Variants in HSD17B1 observed in about 807,000 individuals in gnomAD.
The protein encoded by HSD17B1 is hydroxysteroid 17-beta dehydrogenase 1.
HSD17B1 carries 16 observed loss-of-function variants against 22.7 expected under a neutral mutation model. The ratio of observed to expected loss-of-function variants is 0.71; its 90% CI spans 0.48 to 1.07. The LOEUF (loss-of-function observed/expected upper bound fraction) is 1.07, where lower values mean the gene tolerates loss of function less well. Among genes scored for constraint, HSD17B1 ranks in the 50% least tolerant of loss-of-function variants. HSD17B1 has a pLI of 0.00. For missense variants in HSD17B1, 533 were observed against 459.9 expected, an observed-to-expected ratio of 1.16 and a Z score of -1.45; for synonymous variants, 243 against 211.0, an observed-to-expected ratio of 1.15 and a Z score of -1.31.
rs1380944904 is a variant in HSD17B1 at position 42,554,558 on chromosome 17, G to A, written c.693G>A (p.Ala231=). ...AHSKQVFREA[A]QNPEEVAEVF... ...GCAAGCAAGTCTTTCGCGAGGCGGC[G>A]CAGAACCCTGAGGAGGTGGCGGAGG... Residue 231 remains alanine, a synonymous_variant, in exon 5 of 6, where the codon GCG becomes GCA. Coordinates refer to ENST00000585807, the MANE Select transcript of HSD17B1 (RefSeq NM_000413.4). 1 of 1,613,760 alleles carries A rather than the reference G, an allele frequency of 6.2e-7. No homozygotes were observed. Among genetic ancestry groups the A allele is most frequent in the Non-Finnish European group, 8.5e-7 (1 of 1,179,904 alleles).
Position 42,554,577 on chromosome 17 carries a change from G to A in HSD17B1, c.712G>A (p.Ala238Thr). The A allele has an allele frequency of 6.2e-7, 1 of 1,613,228 alleles. No homozygotes were observed. The highest frequency in any genetic ancestry group is 1.3e-5 in the African/African-American group (1 of 75,042). ...GGCGGCGCAGAACCCTGAGGAGGTGGCGGAGGTGAGCGCCGGGCTGGACTC... is the reference window on the plus strand; with the variant it reads ...GGCGGCGCAGAACCCTGAGGAGGTGACGGAGGTGAGCGCCGGGCTGGACTC... Reference protein sequence around the residue: ...REAAQNPEEVAEVFLTALRAP... With the variant: ...REAAQNPEEVTEVFLTALRAP... The change falls in exon 5 of 6, where the codon GCG (alanine) becomes ACG (threonine). Residue 238 changes from alanine (A) to threonine (T), a missense_variant. Coordinates refer to ENST00000585807, the MANE Select transcript of HSD17B1 (RefSeq NM_000413.4).
Position 42,553,827 on chromosome 17 carries a change from A to G in HSD17B1, c.479A>G (p.Lys160Arg), listed in dbSNP as rs545312595. 6.2e-7 allele frequency: 1 copy of G among 1,613,532 alleles called. No homozygotes were observed. Among genetic ancestry groups the G allele is most frequent in the Admixed American group, 1.7e-5 (1 of 59,938 alleles). ...LPFNDVYCAS[K>R]FALEGLCESL... ...TTCAATGACGTTTATTGCGCCAGCA[A>G]GTTCGCGCTCGAAGGCTTATGCGAG... is the stretch of plus-strand genomic sequence containing the variant. Residue 160 changes from lysine to arginine, a missense_variant, in exon 4 of 6, where the codon AAG (lysine) becomes AGG (arginine). Lys to Arg is a conservative substitution (Grantham distance 26). Coordinates refer to ENST00000585807, the MANE Select transcript of HSD17B1 (RefSeq NM_000413.4).
At chr17:42,554,254 C>T in intron 4 of HSD17B1, 151 bp from the exon 5 acceptor site, 1 of 1,107,636 alleles carries the variant, frequency 9.0e-7, no homozygotes, top group Non-Finnish European at 1.3e-6. Flanking sequence ...TTCTGGTTAT[C>T]CCCAGCGCCC....
In HSD17B1 at chr17:42,554,817, C is replaced by A; in HGVS notation, c.866C>A (p.Pro289Gln). The A allele has an allele frequency of 6.2e-7, 1 of 1,600,124 alleles. No individual in the cohort carries two copies. Among genetic ancestry groups the A allele is most frequent in the Non-Finnish European group, 8.5e-7 (1 of 1,179,396 alleles). Residue 289 changes from proline (P) to glutamine (Q), a missense_variant, in exon 6 of 6, where the codon CCG becomes CAG. Coordinates refer to ENST00000585807, the MANE Select transcript of HSD17B1 (RefSeq NM_000413.4). ...AMHREVFGDV[P>Q]AKAEAGAEAG... ...CACCGGGAAGTGTTCGGCGACGTTC[C>A]GGCAAAGGCCGAGGCTGGGGCCGAG...
In HSD17B1 at chr17:42,554,394, C is replaced by T. The variant is rs1341335172; in HGVS notation, c.540-11C>T. On this transcript the variant is annotated splice_polypyrimidine_tract_variant and intron_variant, in intron 4 of 5. Coordinates refer to ENST00000585807, the MANE Select transcript of HSD17B1 (RefSeq NM_000413.4). ...TCCGCCCCCTCCCACTCGTTGCTCT[C>T]CGGCCAGCAGCTTGAGCCTGATCGA... The T allele has an allele frequency of 6.3e-7, 1 of 1,591,224 alleles. No individual in the cohort carries two copies. The highest frequency in any genetic ancestry group is 8.6e-7 in the Non-Finnish European group (1 of 1,165,224).
At chr17:42,554,189 G>A (rs543947419) in intron 4 of HSD17B1, 7 of 721,818 alleles carry the variant, frequency 9.7e-6, no homozygotes. Flanking sequence ...GGGCTCCCTT[G>A]TAGCCTCAGA....
Position 42,554,754 on chromosome 17 carries a change from T to C in HSD17B1, c.803T>C (p.Leu268Pro). ...ERFLPLLRMR[L>P]DDPSGSNYVT... ...TTCCTGCCCCTGCTGCGGATGCGCC[T>C]GGACGACCCCAGCGGCTCCAACTAC... Residue 268 changes from leucine (L) to proline (P), a missense_variant, in exon 6 of 6, where the codon CTG (leucine) becomes CCG (proline). Transcript: ENST00000585807. 6.2e-7 allele frequency: 1 copy of C among 1,603,814 alleles called. No homozygotes were observed. Among genetic ancestry groups the C allele is most frequent in the Non-Finnish European group, 8.5e-7 (1 of 1,179,692 alleles).
chr17:42,553,674 C>A (rs1214994260), intron 3 of HSD17B1, 56 bp downstream of exon 3: 66 of 1,600,350 alleles, frequency 4.1e-5, no homozygotes, highest in Non-Finnish European at 5.4e-5. Context: ...CGGAGCTGAG[C>A]CTTGAAGGCA....
intron 4 of HSD17B1, chr17:42,554,202 G>C (rs939092880): frequency 1.3e-6 from 1 of 759,834 alleles, no homozygotes; most frequent in African/African-American, 1.8e-5. Flanking sequence ...GCCTCAGATG[G>C]ATTTGGGAGG....
At chr17:42,553,717 C>A in intron 3 of HSD17B1, 77 bp from the exon 4 acceptor site, 1 of 1,594,434 alleles carries the variant, frequency 6.3e-7, no homozygotes, top group Non-Finnish European at 8.6e-7. Flanking sequence ...GGGGTGCCGT[C>A]AGCTTGGAGG....
At chr17:42,554,064 C>G in intron 4 of HSD17B1, 177 bp downstream of exon 4, 1 of 674,054 alleles carries the variant, frequency 1.5e-6, no homozygotes, top group Non-Finnish European at 2.6e-6. Flanking sequence ...ACCTGCTGAC[C>G]TAGCTGCTGA....
At chr17:42,553,668 G>A (rs1414406513) in intron 3 of HSD17B1, 50 bp downstream of exon 3, 3 of 1,600,806 alleles carry the variant, frequency 1.9e-6, no homozygotes, top group Non-Finnish European at 8.5e-7. Context: ...TGTGTGCGGA[G>A]CTGAGCCTTG....
At position 42,554,953 on chromosome 17, in the gene HSD17B1, G is replaced by C. The variant is rs1387917794; in HGVS notation, c.*15G>C. The C allele has an allele frequency of 1.4e-6, 2 of 1,448,696 alleles. No homozygotes were observed. The highest frequency in any genetic ancestry group is 2.6e-5 in the East Asian group (1 of 39,154). 89.7% of individuals were successfully genotyped at this position (1,448,696 alleles called of 1,614,324 possible). ...CCCCGCAGTAAAGGCTTCCTCAGCC[G>C]CTGTCTCCCGCGCCCTTCTTTGTCC... is the stretch of plus-strand genomic sequence containing the variant. On this transcript the variant is annotated 3_prime_UTR_variant, in exon 6 of 6. Coordinates refer to ENST00000585807, the MANE Select transcript of HSD17B1 (RefSeq NM_000413.4).
chr17:42,554,272 C>T (rs1384586193), intron 4 of HSD17B1, 133 bp from the exon 5 acceptor site: 15 of 1,292,822 alleles, frequency 1.2e-5, no homozygotes, highest in African/African-American at 4.5e-5. Flanking sequence ...CCCTTTCCGC[C>T]TCACTTCCCA....
intron 3 of HSD17B1, 21 bp from the exon 4 acceptor site, chr17:42,553,773 A>G (rs764552186): frequency 6.2e-7 from 1 of 1,611,252 alleles, no homozygotes; most frequent in Non-Finnish European, 8.5e-7. Context: ...GCGCCTCAGG[A>G]ACCTCGTCTC....
chr17:42,554,660 C>T lies in HSD17B1; in HGVS notation c.718-9C>T. 3.1e-6 allele frequency: 5 copies of T among 1,604,522 alleles called. No homozygotes were observed. The highest frequency in any genetic ancestry group is 4.2e-6 in the Non-Finnish European group (5 of 1,178,448). ...AGCGGTGGCCACAGCTCTCCTCCCG[C>T]CGCCGCAGGTCTTCCTCACCGCTTT... On this transcript the variant is annotated splice_polypyrimidine_tract_variant and intron_variant, in intron 5 of 5. Transcript: ENST00000585807.
Position 42,554,408 on chromosome 17 carries a change from G to A in HSD17B1, c.543G>A (p.Leu181=). ...CTCGTTGCTCTCCGGCCAGCAGCTT[G>A]AGCCTGATCGAGTGCGGCCCAGTGC... is the stretch of plus-strand genomic sequence containing the variant. ...AVLLLPFGVH[L]SLIECGPVHT... is the part of the protein sequence containing the mutation. Residue 181 remains leucine (L), a synonymous_variant, in exon 5 of 6, where the codon TTG becomes TTA. Transcript: ENST00000585807. 3 of 1,604,914 alleles carry A rather than the reference G, an allele frequency of 1.9e-6. No individual in the cohort carries two copies. The highest frequency in any genetic ancestry group is 2.6e-6 in the Non-Finnish European group (3 of 1,174,538).
chr17:42,554,510 C>T lies in HSD17B1; in HGVS notation c.645C>T (p.Arg215=). ...GCACGGACATCCACACCTTCCACCG[C>T]TTCTACCAATACCTCGCCCACAGCA... is the stretch of plus-strand genomic sequence containing the variant. ...LDRTDIHTFH[R]FYQYLAHSKQ... The change falls in exon 5 of 6, where the codon CGC becomes CGT. Residue 215 remains arginine (R), a synonymous_variant. Transcript: ENST00000585807. 6.2e-7 allele frequency: 1 copy of T among 1,614,044 alleles called. No individual in the cohort carries two copies. Among genetic ancestry groups the T allele is most frequent in the South Asian group, 1.1e-5 (1 of 91,078 alleles).
rs775186540 is a variant in HSD17B1, at chr17:42,554,527, C to G, written c.662C>G (p.Ala221Gly). 2.7e-5 allele frequency: 43 copies of G among 1,613,952 alleles called. No individual in the cohort carries two copies. Among genetic ancestry groups the G allele is most frequent in the African/African-American group, 4.0e-5 (3 of 74,940 alleles). ...HTFHRFYQYL[A>G]HSKQVFREAA... ...TTCCACCGCTTCTACCAATACCTCG[C>G]CCACAGCAAGCAAGTCTTTCGCGAG... Residue 221 changes from alanine (A) to glycine (G), a missense_variant, in exon 5 of 6, where the codon GCC (alanine) becomes GGC (glycine). Transcript: ENST00000585807.
Sources: gnomAD v4.1 joint callset for allele counts on GRCh38, gnomAD v4.1.1 for gene constraint, MANE v1.5 for transcripts, NCBI Gene and HGNC (gene_info 2026-07-23, HGNC 2026-07-21) for gene names.